The following UVRAG variants were observed in gnomAD, a reference collection of about 807,000 sequenced individuals.
UVRAG encodes UV radiation resistance-associated gene protein.
A neutral mutation model predicts 78.0 loss-of-function variants in UVRAG; 19 were observed. The observed-to-expected ratio is 0.24, with a 90% CI of 0.17 to 0.36. The LOEUF (loss-of-function observed/expected upper bound fraction) is 0.36. Among genes scored for constraint, UVRAG ranks in the 10% least tolerant of loss-of-function variants. The pLI, the probability that UVRAG is intolerant of heterozygous loss-of-function variation, is 1.00. For synonymous variants in UVRAG, 323 were observed against 324.6 expected (o/e 1.00, Z 0.05); for missense variants, 740 against 853.8 (o/e 0.87, Z 1.66).
intron 5 of UVRAG, among the ~76,000 whole-genome samples, chr11:75,890,835 C>G (rs1947198942): frequency 6.6e-6 from 1 of 152,086 alleles, no homozygotes. Flanking sequence ...TAGGGGGCAC[C>G]AGAAAAGATG....
intron 6 of UVRAG, among the ~76,000 whole-genome samples, chr11:75,912,992 T>G (rs1005741580): frequency 1.4e-4 from 21 of 152,208 alleles, no homozygotes; most frequent in Admixed American, 1.4e-3. Context: ...TGCCTACACC[T>G]TGACTGCTTA....
At chr11:76,000,817 G>A (rs1048360449) in intron 8 of UVRAG, among the ~76,000 whole-genome samples, 7 of 152,092 alleles carry the variant, frequency 4.6e-5, no homozygotes, top group African/African-American at 1.4e-4. Context: ...ACCAAAAGAC[G>A]TAACAATTCT....
chr11:75,912,123 G>A (rs1004298139), intron 6 of UVRAG, 84 bp downstream of exon 6: 3 of 1,039,802 alleles, frequency 2.9e-6, no homozygotes, highest in Admixed American at 1.9e-5. Flanking sequence ...GAAAATTAAC[G>A]GAAGCTTTAG....
At chr11:76,035,748 T>C (rs1444992709) in intron 12 of UVRAG, among the ~76,000 whole-genome samples, 3 of 152,354 alleles carry the variant, frequency 2.0e-5, no homozygotes, top group Non-Finnish European at 4.4e-5. Flanking sequence ...TAAATACTGC[T>C]GAATATCTAC....
At chr11:75,934,556 A>AT (rs1278174444) in intron 6 of UVRAG, among the ~76,000 whole-genome samples, 1 of 152,200 alleles carries the variant, frequency 6.6e-6, no homozygotes, top group Admixed American at 6.5e-5. Context: ...TGGATACCCC[A>AT]TTTACCCTGT....
chr11:75,978,767 A>G (rs1949315689), intron 7 of UVRAG, among the ~76,000 whole-genome samples: 2 of 152,172 alleles, frequency 1.3e-5, no homozygotes, highest in Non-Finnish European at 2.9e-5. Flanking sequence ...TTAGCCATTC[A>G]TCCAATATTT....
chr11:76,009,120 C>T (rs1461936406), intron 11 of UVRAG, among the ~76,000 whole-genome samples: 1 of 152,032 alleles, frequency 6.6e-6, no homozygotes, highest in Admixed American at 6.6e-5. Context: ...GCAAATTAGA[C>T]AGTCAGGTTC....
intron 8 of UVRAG, among the ~76,000 whole-genome samples, chr11:75,995,179 GT>G (rs576218071): frequency 1.5e-3 from 210 of 140,610 alleles, no homozygotes; most frequent in Admixed American, 1.7e-3. Context: ...TTTTATAAAA[GT>G]TTTTTTTTTT....
chr11:75,820,233 C>T (rs1189473992), intron 1 of UVRAG, among the ~76,000 whole-genome samples: 1 of 152,204 alleles, frequency 6.6e-6, no homozygotes, highest in African/African-American at 2.4e-5. Flanking sequence ...CCGCCTTGAC[C>T]TCCCAAAGTG....
rs1555080662 is a variant in UVRAG at position 75,884,240 on chromosome 11, T to TCTTTCTCTCTCTCTCTCTC, written c.432+4200_432+4201insCTTTCTCTCTCTCTCTCTC. 4.1e-3 allele frequency among the ~76,000 whole-genome samples: 546 copies of TCTTTCTCTCTCTCTCTCTC among 132,406 alleles called. 5 individuals are homozygous for TCTTTCTCTCTCTCTCTCTC. Among genetic ancestry groups the TCTTTCTCTCTCTCTCTCTC allele is most frequent in the African/African-American group, 0.017 (522 of 31,012 alleles). The allele number at this position is 132,406 out of a possible 152,430, so 86.9% of individuals were successfully genotyped here. A position where few individuals can be genotyped will look rare whatever the true frequency, so the allele number is the denominator to read the frequency against. On this transcript the variant is annotated intron_variant, in intron 4 of 14. Transcript: ENST00000356136. ...TCTCTCTCTCTCTCTCTCTCTCTCT[T>TCTTTCTCTCTCTCTCTCTC]TCTCTCTCTCTCTCTGTGTGAAGTG... is the stretch of plus-strand genomic sequence containing the variant.
rs533251462 is a variant in UVRAG, at chr11:75,924,394, G to GT, written c.593+12364dup. ...AAGCATTGTGTTTTTTTTTGTTTTT[G>GT]TTTTTTTTTGTGACGGAGTCTCGCT... On this transcript the variant is annotated intron_variant, in intron 6 of 14. Transcript: ENST00000356136. 1.8e-3 allele frequency among the ~76,000 whole-genome samples: 272 copies of GT among 148,530 alleles called. 6 individuals carry two copies. The East Asian group carries it at 0.033, about 18-fold the overall frequency.
intron 7 of UVRAG, among the ~76,000 whole-genome samples, chr11:75,974,406 C>G (rs1479686624): frequency 7.2e-6 from 1 of 138,274 alleles, no homozygotes; most frequent in Non-Finnish European, 1.5e-5. Flanking sequence ...GTCGCCCAGG[C>G]CGGACTGCGG....
In UVRAG at chr11:76,142,244, A is replaced by G. The variant is rs1463089875; in HGVS notation, c.*831A>G. Reference sequence around the variant, plus strand: ...GGGGCCAAAGTTTTTATGTGGGCAGATGCTGTGGTCAGGAACTAGGCATGC... The same window carrying G: ...GGGGCCAAAGTTTTTATGTGGGCAGGTGCTGTGGTCAGGAACTAGGCATGC... On this transcript the variant is annotated 3_prime_UTR_variant, in exon 15 of 15. Coordinates refer to ENST00000356136, the MANE Select transcript of UVRAG (RefSeq NM_003369.4). 1 of 152,196 alleles carries G rather than the reference A, an allele frequency of 6.6e-6. No homozygotes were observed. The highest frequency in any genetic ancestry group is 1.5e-5 in the Non-Finnish European group (1 of 68,034). 9.4% of individuals were successfully genotyped at this position (152,196 alleles called of 1,614,324 possible). A position where few individuals can be genotyped will look rare whatever the true frequency, so the allele number is the denominator to read the frequency against.
chr11:75,879,784 T>G, intron 3 of UVRAG, 95 bp from the exon 4 acceptor site: 1 of 1,513,472 alleles, frequency 6.6e-7, no homozygotes, highest in Non-Finnish European at 8.9e-7. Context: ...TTATGAGGTC[T>G]TTTGGTTTTG....
rs568528566 is a variant in UVRAG, at chr11:75,844,296, C to T, written c.118-7587C>T. Among the ~76,000 whole-genome samples the T allele has an allele frequency of 9.9e-5, 15 of 151,586 alleles. No individual in the cohort carries two copies. The East Asian group carries it at 1.8e-3, about 18-fold the overall frequency. ...AGGCTGGAGTGCAGTGGCACTATCT[C>T]GGCTCACTGCAAGTTCCGCCTCCTG... On this transcript the variant is annotated intron_variant, in intron 1 of 14. Coordinates refer to ENST00000356136, the MANE Select transcript of UVRAG (RefSeq NM_003369.4).
intron 12 of UVRAG, among the ~76,000 whole-genome samples, chr11:76,062,575 C>A (rs1451876355): frequency 6.6e-6 from 1 of 152,172 alleles, no homozygotes; most frequent in African/African-American, 2.4e-5. Flanking sequence ...AGGACAAACA[C>A]CTCTGGTTCC....
At chr11:76,077,639 A>G (rs746956887) in intron 13 of UVRAG, among the ~76,000 whole-genome samples, 28 of 152,108 alleles carry the variant, frequency 1.8e-4, no homozygotes, top group Non-Finnish European at 3.7e-4. Flanking sequence ...TATTATCTTC[A>G]TTTTACATTT....
At chr11:76,043,594 A>G (rs1950692062) in intron 12 of UVRAG, among the ~76,000 whole-genome samples, 1 of 152,212 alleles carries the variant, frequency 6.6e-6, no homozygotes, top group Non-Finnish European at 1.5e-5. Context: ...AAATTTGGCA[A>G]AAAACTTATG....
intron 5 of UVRAG, chr11:75,911,465 T>G (rs540958338): frequency 1.2e-5 from 2 of 171,156 alleles, no homozygotes; most frequent in South Asian, 3.2e-4. Context: ...CATCTGGAGC[T>G]CTCTCGTTGT....
Sources: gnomAD v4.1 joint callset for allele counts (sites outside exome capture counted in the v4.1 genomes callset) on GRCh38, gnomAD v4.1.1 for gene constraint, MANE v1.5 for transcripts, NCBI Gene and HGNC (gene_info 2026-07-23, HGNC 2026-07-21) for gene names.